The following LMBRD1 variants were observed in gnomAD, a reference collection of about 807,000 sequenced individuals.
LMBRD1 encodes the protein LMBR1 domain containing 1, also known as lysosomal cobalamin transport escort protein LMBD1.
Under a neutral mutation model 74.8 loss-of-function variants are expected in LMBRD1, and 64 were observed. That is an observed-to-expected ratio of 0.86 (90% CI 0.70 to 1.05). LMBRD1 has a LOEUF of 1.05. LMBRD1 is among the 50% of genes least tolerant of loss of function. The pLI is 0.00. For missense variants in LMBRD1, 652 were observed against 645.9 expected (o/e 1.01, Z -0.10); for synonymous variants, 204 against 216.3 (o/e 0.94, Z 0.50).
intron 2 of LMBRD1, among the ~76,000 whole-genome samples, chr6:69,782,175 T>C (rs1480522814): frequency 6.6e-6 from 1 of 152,218 alleles, no homozygotes; most frequent in Non-Finnish European, 1.5e-5. Flanking sequence ...AGGATGGATA[T>C]TAGTACATAG....
chr6:69,774,979 A>AGGGAGGGAGCGAGGG (rs1765661664), intron 3 of LMBRD1, among the ~76,000 whole-genome samples: 3 of 40,418 alleles, frequency 7.4e-5, no homozygotes, highest in Non-Finnish European at 1.3e-4. Context: ...GGAAGGAAGG[A>AGGGAGGGAGCGAGGG]AGGAAGGAAG....
At chr6:69,751,348 T>C (rs9342772) in intron 4 of LMBRD1, among the ~76,000 whole-genome samples, 54,422 of 151,280 alleles carry the variant, frequency 0.36, 10,409 homozygotes, top group East Asian at 0.54. Context: ...TTTTCTGAGA[T>C]GGAGTCTCGC....
At chr6:69,705,781 C>A in intron 9 of LMBRD1, 2 of 1,175,678 alleles carry the variant, frequency 1.7e-6, no homozygotes, top group African/African-American at 3.0e-5. Flanking sequence ...TCCTCCTCTT[C>A]ATCTACTGAC....
intron 1 of LMBRD1, among the ~76,000 whole-genome samples, chr6:69,793,594 AAGAC>A (rs1766138755): frequency 6.6e-6 from 1 of 152,206 alleles, no homozygotes; most frequent in African/African-American, 2.4e-5. Flanking sequence ...TGATATAGTA[AAGAC>A]AGACATAGTT....
chr6:69,757,628 CAAGTT>C (rs1386517573), intron 3 of LMBRD1, among the ~76,000 whole-genome samples: 1 of 152,054 alleles, frequency 6.6e-6, no homozygotes, highest in Non-Finnish European at 1.5e-5. Flanking sequence ...GTTCTAATGT[CAAGTT>C]GAGTTTATAT....
intron 8 of LMBRD1, among the ~76,000 whole-genome samples, chr6:69,714,583 T>C (rs538496686): frequency 4.6e-5 from 7 of 152,272 alleles, no homozygotes; most frequent in Admixed American, 2.6e-4. Flanking sequence ...AATATTTGTA[T>C]AGGATTACAT....
intron 14 of LMBRD1, among the ~76,000 whole-genome samples, chr6:69,683,169 T>C (rs1485491218): frequency 2.0e-5 from 3 of 152,132 alleles, no homozygotes; most frequent in Middle Eastern, 3.4e-3. Flanking sequence ...AGAAAAATGA[T>C]GCTCTGATCA....
At chr6:69,773,238 A>C (rs1341205710) in intron 3 of LMBRD1, among the ~76,000 whole-genome samples, 2 of 152,130 alleles carry the variant, frequency 1.3e-5, no homozygotes, top group African/African-American at 4.8e-5. Flanking sequence ...GTTCATTATA[A>C]AAGGATGTGT....
intron 3 of LMBRD1, among the ~76,000 whole-genome samples, chr6:69,763,402 T>C (rs1368684711): frequency 6.6e-6 from 1 of 152,048 alleles, no homozygotes; most frequent in Non-Finnish European, 1.5e-5. Flanking sequence ...AAGAACCTAA[T>C]CAGCCATCCC....
intron 9 of LMBRD1, among the ~76,000 whole-genome samples, chr6:69,702,376 A>G (rs989840563): frequency 5.9e-5 from 9 of 151,854 alleles, no homozygotes; most frequent in African/African-American, 2.2e-4. Flanking sequence ...ATTTTCCCAT[A>G]GAAGTAATAA....
At chr6:69,702,286 G>GAC (rs56690836) in intron 9 of LMBRD1, among the ~76,000 whole-genome samples, 4,924 of 149,430 alleles carry the variant, frequency 0.033, 240 homozygotes, top group African/African-American at 0.11. Context: ...CTAACACACA[G>GAC]ACACACACAC....
At chr6:69,771,792 T>G (rs1392241609) in intron 3 of LMBRD1, among the ~76,000 whole-genome samples, 1 of 152,084 alleles carries the variant, frequency 6.6e-6, no homozygotes, top group Non-Finnish European at 1.5e-5. Flanking sequence ...ACTGCTATAT[T>G]GTCAGTAAAA....
rs1247213434 is a variant in LMBRD1, at chr6:69,796,940, G to A, written c.-59C>T. On this transcript the variant is annotated 5_prime_UTR_variant, in exon 1 of 16. Transcript: ENST00000649934. Reference sequence around the variant, plus strand: ...GGGGTGGGGAAAGGGGAGGGGGAAAGGGGAGAGAGCGCGAGATATACTGCA... The same window carrying A: ...GGGGTGGGGAAAGGGGAGGGGGAAAAGGGAGAGAGCGCGAGATATACTGCA... 4 of 1,469,976 alleles carry A rather than the reference G, an allele frequency of 2.7e-6. No individual in the cohort carries two copies. Among genetic ancestry groups the A allele is most frequent in the African/African-American group, 2.8e-5 (2 of 72,046 alleles). The allele number at this position is 1,469,976 out of a possible 1,614,324, so 91.1% of individuals were successfully genotyped here. A position where few individuals can be genotyped will look rare whatever the true frequency, so the allele number is the denominator to read the frequency against.
At chr6:69,760,152 C>T (rs894116601) in intron 3 of LMBRD1, among the ~76,000 whole-genome samples, 7 of 152,160 alleles carry the variant, frequency 4.6e-5, no homozygotes, top group African/African-American at 1.2e-4. Flanking sequence ...TATGTATGTA[C>T]TCTGCACATA....
At chr6:69,723,554 T>C (rs1766662948) in intron 7 of LMBRD1, among the ~76,000 whole-genome samples, 1 of 151,936 alleles carries the variant, frequency 6.6e-6, no homozygotes, top group Non-Finnish European at 1.5e-5. Flanking sequence ...AATTAAACAA[T>C]ATGCTCCTAA....
At chr6:69,735,445 A>T (rs115106601) in intron 7 of LMBRD1, among the ~76,000 whole-genome samples, 54,909 of 107,878 alleles carry the variant, frequency 0.51, 10,274 homozygotes, top group East Asian at 0.62. Context: ...AAACAACATA[A>T]AAAAAAAAAA....
intron 1 of LMBRD1, among the ~76,000 whole-genome samples, chr6:69,794,811 T>C (rs1766174499): frequency 6.6e-6 from 1 of 152,236 alleles, no homozygotes; most frequent in African/African-American, 2.4e-5. Flanking sequence ...TGTGCATAAC[T>C]CAGTAAACCA....
chr6:69,796,303 G>A (rs1396110114), intron 1 of LMBRD1, among the ~76,000 whole-genome samples: 1 of 152,148 alleles, frequency 6.6e-6, no homozygotes, highest in Non-Finnish European at 1.5e-5. Flanking sequence ...CGTCATCAAG[G>A]CAGAATCACA....
chr6:69,717,122 G>GTGAA (rs1261271889), intron 8 of LMBRD1, among the ~76,000 whole-genome samples: 4 of 151,894 alleles, frequency 2.6e-5, no homozygotes, highest in African/African-American at 7.3e-5. Flanking sequence ...TGTGGCTATT[G>GTGAA]TGAATGGGAT....
Sources: allele counts gnomAD v4.1 joint callset (sites outside exome capture counted in the v4.1 genomes callset), GRCh38; gene constraint gnomAD v4.1.1; transcripts MANE v1.5; gene names NCBI Gene and HGNC (gene_info 2026-07-23, HGNC 2026-07-21).